Variants in ANKRD55 observed in about 807,000 individuals in gnomAD.
The protein encoded by ANKRD55 is ankyrin repeat domain 55.
A neutral mutation model predicts 60.6 loss-of-function variants in ANKRD55; 41 were observed. That is an observed-to-expected ratio of 0.68 (90% confidence interval 0.53 to 0.88). The LOEUF is 0.88. Among genes scored for constraint, ANKRD55 ranks in the 40% least tolerant of loss-of-function variants. The pLI is 0.00. For missense variants in ANKRD55, 732 were observed against 767.6 expected (o/e 0.95, Z 0.55); for synonymous variants, 264 against 290.3 (o/e 0.91, Z 0.92).
chr5:56,209,233 A>G (rs1326146191), intron 2 of ANKRD55, among the ~76,000 whole-genome samples: 1 of 152,210 alleles, frequency 6.6e-6, no homozygotes, highest in Non-Finnish European at 1.5e-5. Flanking sequence ...CTGGGATTAC[A>G]GGCATGAGCC....
intron 2 of ANKRD55, among the ~76,000 whole-genome samples, chr5:56,184,179 G>A (rs528714000): frequency 6.6e-6 from 1 of 152,336 alleles, no homozygotes; most frequent in South Asian, 2.1e-4. Flanking sequence ...GGCACGGGCA[G>A]GAGCCTGATG....
At chr5:56,214,102 T>C (rs542780630) in intron 2 of ANKRD55, among the ~76,000 whole-genome samples, 4 of 152,318 alleles carry the variant, frequency 2.6e-5, no homozygotes, top group South Asian at 2.1e-4. Flanking sequence ...GTGAGTCTTA[T>C]TCACTACCAC....
At chr5:56,217,992 C>T (rs1759865044) in intron 2 of ANKRD55, among the ~76,000 whole-genome samples, 1 of 151,966 alleles carries the variant, frequency 6.6e-6, no homozygotes, top group Non-Finnish European at 1.5e-5. Flanking sequence ...GAGTTCAGAA[C>T]TTCAGTAGAG....
chr5:56,118,649 TAAAATAA>T (rs1157132665), intron 8 of ANKRD55, among the ~76,000 whole-genome samples: 1 of 150,430 alleles, frequency 6.6e-6, no homozygotes, highest in Non-Finnish European at 1.5e-5. Context: ...TAAAATAAAA[TAAAATAA>T]AATAAAATAA....
At chr5:56,126,837 C>A in intron 8 of ANKRD55, 85 bp downstream of exon 8, 1 of 1,445,310 alleles carries the variant, frequency 6.9e-7, no homozygotes, top group Non-Finnish European at 9.4e-7. Context: ...CTGTATAGGA[C>A]ACCTCCTTAA....
At chr5:56,187,179 C>A (rs1057323865) in intron 2 of ANKRD55, among the ~76,000 whole-genome samples, 2 of 152,170 alleles carry the variant, frequency 1.3e-5, no homozygotes. Context: ...AAGACAGGAC[C>A]AGCTGGATGT....
At chr5:56,195,078 A>T (rs1346651238) in intron 2 of ANKRD55, among the ~76,000 whole-genome samples, 1 of 152,284 alleles carries the variant, frequency 6.6e-6, no homozygotes, top group East Asian at 1.9e-4. Context: ...CTTAAATGTG[A>T]TATATTGAAA....
chr5:56,105,015 A>C (rs987350056), intron 10 of ANKRD55, among the ~76,000 whole-genome samples: 3 of 151,984 alleles, frequency 2.0e-5, no homozygotes, highest in African/African-American at 7.3e-5. Flanking sequence ...TATAAAGAGG[A>C]TAAAATCTCT....
At chr5:56,184,294 C>T (rs1758918644) in intron 2 of ANKRD55, among the ~76,000 whole-genome samples, 1 of 152,230 alleles carries the variant, frequency 6.6e-6, no homozygotes, top group South Asian at 2.1e-4. Flanking sequence ...CAGAGCCAGT[C>T]TCTTCCTCTG....
intron 2 of ANKRD55, among the ~76,000 whole-genome samples, chr5:56,196,705 T>A (rs2111851121): frequency 6.6e-6 from 1 of 152,314 alleles, no homozygotes; most frequent in East Asian, 1.9e-4. Context: ...ATACCCAAAT[T>A]AACCCAGCCA....
intron 5 of ANKRD55, among the ~76,000 whole-genome samples, chr5:56,165,540 G>A (rs534412146): frequency 2.0e-5 from 3 of 152,124 alleles, no homozygotes; most frequent in Admixed American, 1.3e-4. Context: ...TTCTGAACAC[G>A]GACAATGTAC....
At chr5:56,185,668 CA>C (rs1433205242) in intron 2 of ANKRD55, among the ~76,000 whole-genome samples, 211 of 119,786 alleles carry the variant, frequency 1.8e-3, no homozygotes, top group Non-Finnish European at 1.8e-3. Flanking sequence ...AACTCCATCT[CA>C]AAAAAAAAAA....
intron 6 of ANKRD55, among the ~76,000 whole-genome samples, chr5:56,155,099 G>A (rs947498888): frequency 3.3e-5 from 5 of 151,950 alleles, no homozygotes; most frequent in African/African-American, 4.8e-5. Flanking sequence ...GGGTATGGTT[G>A]TGCATGCCTG....
chr5:56,111,771 G>T lies in ANKRD55; in HGVS notation c.977C>A (p.Thr326Asn). Residue 326 changes from threonine to asparagine, a missense_variant, in exon 10 of 12, where the codon ACT (threonine) becomes AAT (asparagine). By Grantham distance (65) the Thr-to-Asn change is moderately conservative (BLOSUM62 0). This residue lies in a region of ANKRD55 where 597 missense variants were observed against 607.5 expected (regional missense o/e 0.98). Transcript: ENST00000341048. ...LLSQESRTEP[T>N]RPPPSQSSRP... ...ACTGCTCTGGGAGGGAGGGGGTCGA[G>T]TAGGCTCTGTTCTATGCGAATATAA... 3 of 1,512,102 alleles carry T rather than the reference G, an allele frequency of 2.0e-6. No homozygotes were observed. In the South Asian group the frequency reaches 4.2e-5, roughly 21 times the overall value. 93.7% of individuals were successfully genotyped at this position (1,512,102 alleles called of 1,614,324 possible).
At chr5:56,193,631 A>G (rs997229486) in intron 2 of ANKRD55, 10 of 296,992 alleles carry the variant, frequency 3.4e-5, no homozygotes, top group Admixed American at 3.9e-5. Flanking sequence ...AAGTCAGGAA[A>G]CCCTTGAAAG....
chr5:56,107,135 G>A (rs1036008489), intron 10 of ANKRD55, among the ~76,000 whole-genome samples: 21 of 150,450 alleles, frequency 1.4e-4, no homozygotes, highest in Non-Finnish European at 1.0e-4. Flanking sequence ...CCCTATGACT[G>A]TATCTAAACA....
intron 2 of ANKRD55, among the ~76,000 whole-genome samples, chr5:56,225,228 A>G (rs1015406100): frequency 1.3e-5 from 2 of 152,176 alleles, no homozygotes; most frequent in Non-Finnish European, 2.9e-5. Context: ...ACCAAAGACA[A>G]AAACCACGTG....
intron 11 of ANKRD55, among the ~76,000 whole-genome samples, chr5:56,101,597 T>G (rs371950783): frequency 1.3e-5 from 2 of 152,240 alleles, no homozygotes; most frequent in African/African-American, 4.8e-5. Flanking sequence ...ATGAGAATAT[T>G]CAAACTCAGA....
intron 3 of ANKRD55, among the ~76,000 whole-genome samples, chr5:56,178,010 A>G (rs778567271): frequency 1.4e-4 from 21 of 152,036 alleles, no homozygotes; most frequent in Non-Finnish European, 2.9e-4. Flanking sequence ...TTATGTATTG[A>G]TTGAGCATAA....
Sources: allele counts gnomAD v4.1 joint callset (sites outside exome capture counted in the v4.1 genomes callset), GRCh38; gene constraint gnomAD v4.1.1; regional missense constraint gnomAD v4.1.1; transcripts MANE v1.5; gene names NCBI Gene and HGNC (gene_info 2026-07-23, HGNC 2026-07-21).